CCDC138: variants seen among roughly 807,000 people sequenced by gnomAD.
CCDC138 encodes the protein coiled-coil domain-containing protein 138.
CCDC138 carries 66 observed loss-of-function variants against 82.3 expected under a neutral mutation model. That is an observed-to-expected ratio of 0.80 (90% CI 0.66 to 0.98). The LOEUF is 0.98. Ranked by LOEUF, CCDC138 falls within the 50% of genes least tolerant of loss-of-function variation. CCDC138 has a pLI of 0.00. For synonymous variants in CCDC138, 297 were observed against 265.4 expected (o/e 1.12, Z -1.16); for missense variants, 816 against 758.9 (o/e 1.08, Z -0.88).
In CCDC138 at chr2:108,846,736, A is replaced by C; in HGVS notation, c.1324-2A>C. The stretch of plus-strand genomic sequence containing the variant: ...TACTAAGATTGTACATATTTTTAAC[A>C]GCACTCGACTATGACATCAACATTG... On this transcript the variant is annotated splice_acceptor_variant, in intron 11 of 14. Coordinates refer to ENST00000295124, the MANE Select transcript of CCDC138 (RefSeq NM_144978.3). LOFTEE classifies it high-confidence loss of function. The C allele has an allele frequency of 6.3e-7, 1 of 1,597,372 alleles. No individual in the cohort carries two copies. Among genetic ancestry groups the C allele is most frequent in the South Asian group, 1.1e-5 (1 of 88,074 alleles).
chr2:108,811,245 C>CTTTTTTTTTTTTTTTTTTTTT lies in CCDC138; in HGVS notation c.856-1385_856-1384insTTTTTTTTTTTTTTTTTTTTT, dbSNP rs144518921. Among the ~76,000 whole-genome samples the CTTTTTTTTTTTTTTTTTTTTT allele has an allele frequency of 1.6e-4, 18 of 109,626 alleles. 5 individuals carry two copies. The highest frequency in any genetic ancestry group is 2.5e-4 in the African/African-American group (6 of 23,838). 71.9% of individuals were successfully genotyped at this position (109,626 alleles called of 152,430 possible). On this transcript the variant is annotated intron_variant, in intron 7 of 14. Coordinates refer to ENST00000295124, the MANE Select transcript of CCDC138 (RefSeq NM_144978.3). Reference sequence around the variant, plus strand: ...CTCTCCCTTTTCTTTCTTTCTCTCTCTCTTTTTTTTTTTTTTTGACTGTCT... The same window carrying CTTTTTTTTTTTTTTTTTTTTT: ...CTCTCCCTTTTCTTTCTTTCTCTCTCTTTTTTTTTTTTTTTTTTTTTTCTTTTTTTTTTTTTTTGACTGTCT...
At chr2:108,882,026 C>T (rs932478815) in intron 1 of CCDC138, among the ~76,000 whole-genome samples, 5 of 151,842 alleles carry the variant, frequency 3.3e-5, no homozygotes, top group Non-Finnish European at 4.4e-5. Context: ...TAGTGGCAGG[C>T]GCTTGTAGTC....
chr2:108,811,345 A>C (rs1342771048), intron 7 of CCDC138, among the ~76,000 whole-genome samples: 1 of 147,284 alleles, frequency 6.8e-6, no homozygotes, highest in Admixed American at 6.9e-5. Flanking sequence ...CCAGGGCTTA[A>C]ACCACGCTTC....
In CCDC138 at chr2:108,805,534, G is replaced by C. The variant is rs1682714321; in HGVS notation, c.855+526G>C. On this transcript the variant is annotated intron_variant, in intron 7 of 14. Coordinates refer to ENST00000295124, the MANE Select transcript of CCDC138 (RefSeq NM_144978.3). ...AGGTCAGGAGTTCGAGACCATCCTG[G>C]CTAACACAGTGAAACCCCGTCTCTA... is the stretch of plus-strand genomic sequence containing the variant. 2.0e-5 allele frequency among the ~76,000 whole-genome samples: 3 copies of C among 151,042 alleles called. No homozygotes were observed. The South Asian group carries it at 6.3e-4, about 32-fold the overall frequency.
chr2:108,831,230 A>C (rs921261169), intron 10 of CCDC138, among the ~76,000 whole-genome samples: 2 of 152,172 alleles, frequency 1.3e-5, no homozygotes, highest in Non-Finnish European at 2.9e-5. Flanking sequence ...GTAAGAAAGC[A>C]AAAGGCAATG....
intron 13 of CCDC138, among the ~76,000 whole-genome samples, chr2:108,872,490 C>A (rs916566311): frequency 1.4e-4 from 21 of 152,208 alleles, no homozygotes; most frequent in African/African-American, 4.6e-4. Context: ...CCATTCCTAG[C>A]ATATACCACT....
intron 11 of CCDC138, among the ~76,000 whole-genome samples, chr2:108,839,916 G>C (rs1689183489): frequency 6.6e-6 from 1 of 151,554 alleles, no homozygotes; most frequent in Non-Finnish European, 1.5e-5. Context: ...CGAATATGAT[G>C]GTGAGAGTAG....
intron 3 of CCDC138, among the ~76,000 whole-genome samples, chr2:108,790,074 A>G (rs1353296000): frequency 6.6e-6 from 1 of 152,144 alleles, no homozygotes; most frequent in African/African-American, 2.4e-5. Context: ...CTCTTTCTCT[A>G]CTTAAATAAG....
chr2:108,799,917 T>C (rs1681606897), intron 6 of CCDC138, among the ~76,000 whole-genome samples: 2 of 152,300 alleles, frequency 1.3e-5, no homozygotes, highest in South Asian at 4.1e-4. Context: ...GAAATTTTTA[T>C]TTTTGATATT....
In CCDC138 at chr2:108,800,328, G is replaced by T. The variant is rs566164586; in HGVS notation, c.735+1742G>T. Among the ~76,000 whole-genome samples the T allele has an allele frequency of 8.5e-5, 13 of 152,162 alleles. No individual in the cohort carries two copies. The East Asian group carries it at 2.5e-3, about 29-fold the overall frequency. ...CATCCAGGCTGGAGTACAGTGGCAC[G>T]ATCTCGGCTCACTACAACCTCCACT... On this transcript the variant is annotated intron_variant, in intron 6 of 14. Transcript: ENST00000295124.
intron 10 of CCDC138, among the ~76,000 whole-genome samples, chr2:108,819,492 C>T (rs1361151705): frequency 1.3e-5 from 2 of 151,840 alleles, no homozygotes; most frequent in African/African-American, 4.8e-5. Flanking sequence ...TGCTGCAGCA[C>T]GTAAGAGCTG....
At chr2:108,884,613 T>C (rs192770397) in intron 2 of CCDC138, 182 of 152,284 alleles carry the variant, frequency 1.2e-3, no homozygotes, top group African/African-American at 4.3e-3. Flanking sequence ...AAGCTCCACA[T>C]AATAAACATC....
chr2:108,873,709 T>C, intron 14 of CCDC138, 120 bp downstream of exon 14: 1 of 620,064 alleles, frequency 1.6e-6, no homozygotes, highest in South Asian at 2.5e-5. Context: ...AATTGCCTTG[T>C]GCCACACATA....
In CCDC138 at chr2:108,831,078, G is replaced by A. The variant is rs889493273; in HGVS notation, c.1207-8107G>A. On this transcript the variant is annotated intron_variant, in intron 10 of 14. Coordinates refer to ENST00000295124, the MANE Select transcript of CCDC138 (RefSeq NM_144978.3). ...TAATCCCAGCTACTCATGGGGCTGAGGCACCAGAATCGCTTAAACCCCGGA... is the reference window on the plus strand; with the variant it reads ...TAATCCCAGCTACTCATGGGGCTGAAGCACCAGAATCGCTTAAACCCCGGA... Among the ~76,000 whole-genome samples the A allele has an allele frequency of 2.6e-5, 4 of 152,056 alleles. No homozygotes were observed. The East Asian group carries it at 7.7e-4, about 29-fold the overall frequency.
At chr2:108,796,651 G>A (rs1226679197) in intron 5 of CCDC138, among the ~76,000 whole-genome samples, 1 of 152,128 alleles carries the variant, frequency 6.6e-6, no homozygotes. Flanking sequence ...TAAAAAGAAT[G>A]AAATCTTATC....
At chr2:108,823,441 C>A (rs1028440088) in intron 10 of CCDC138, among the ~76,000 whole-genome samples, 7 of 152,172 alleles carry the variant, frequency 4.6e-5, no homozygotes, top group Non-Finnish European at 1.0e-4. Context: ...AACAATAGGA[C>A]CACATTCTGA....
chr2:108,864,204 C>A (rs1169032310), intron 13 of CCDC138, among the ~76,000 whole-genome samples: 2 of 151,908 alleles, frequency 1.3e-5, no homozygotes, highest in Non-Finnish European at 2.9e-5. Context: ...GGGATAAAAT[C>A]TAACCCACCA....
intron 1 of CCDC138, among the ~76,000 whole-genome samples, chr2:108,787,579 G>C (rs1408515471): frequency 6.6e-6 from 1 of 152,118 alleles, no homozygotes; most frequent in African/African-American, 2.4e-5. Flanking sequence ...CAATTATCTC[G>C]ATAAAACCTT....
intron 11 of CCDC138, among the ~76,000 whole-genome samples, chr2:108,841,172 G>C (rs1299983190): frequency 6.6e-6 from 1 of 152,038 alleles, no homozygotes; most frequent in Non-Finnish European, 1.5e-5. Context: ...TTGTGTTTCT[G>C]TTACTCTGTT....
Sources: gnomAD v4.1 joint callset for allele counts (sites outside exome capture counted in the v4.1 genomes callset) on GRCh38, gnomAD v4.1.1 for gene constraint, MANE v1.5 for transcripts, NCBI Gene and HGNC (gene_info 2026-07-23, HGNC 2026-07-21) for gene names.